Variants in ATP6V1E1 observed in about 807,000 individuals in gnomAD.
ATP6V1E1 encodes ATPase H+ transporting V1 subunit E1.
In ATP6V1E1, 21 loss-of-function variants were observed where a neutral mutation model predicts 35.2. The ratio of observed to expected loss-of-function variants is 0.60; its 90% CI spans 0.42 to 0.86. ATP6V1E1 has a LOEUF of 0.86. Ranked by LOEUF, ATP6V1E1 falls within the 40% of genes least tolerant of loss-of-function variation. The pLI, the probability that ATP6V1E1 is intolerant of heterozygous loss-of-function variation, is 0.00. For missense variants in ATP6V1E1, 183 were observed against 272.6 expected (o/e 0.67, Z 2.32); for synonymous variants, 83 against 87.8 (o/e 0.95, Z 0.30).
intron 8 of ATP6V1E1, among the ~76,000 whole-genome samples, chr22:17,593,063 C>T (rs1013785664): frequency 2.0e-5 from 3 of 152,130 alleles, no homozygotes; most frequent in Non-Finnish European, 4.4e-5. Flanking sequence ...GCTGGGATTA[C>T]AGGCGTGAGC....
chr22:17,592,877 T>C (rs959374674), intron 8 of ATP6V1E1, 141 bp from the exon 9 acceptor site: 10 of 720,424 alleles, frequency 1.4e-5, no homozygotes, highest in Non-Finnish European at 2.3e-5. Flanking sequence ...TCTCCGCTCA[T>C]TGCAAGCTCA....
intron 4 of ATP6V1E1, among the ~76,000 whole-genome samples, chr22:17,605,484 T>C (rs2895943): frequency 0.55 from 83,249 of 151,542 alleles, 24,462 homozygotes; most frequent in African/African-American, 0.76. Flanking sequence ...GAGCCGAGAT[T>C]GCACCATTGC....
In ATP6V1E1 at chr22:17,628,664, G is replaced by A. The variant is rs998867861; in HGVS notation, c.-29C>T. On this transcript the variant is annotated 5_prime_UTR_variant, in exon 1 of 9. Transcript: ENST00000253413. ...GAGAGCAATGCTAGGCCGGTGAACA[G>A]TAGGCTCGAGTTTAGGTTTGAAAGG... is the stretch of plus-strand genomic sequence containing the variant. 1.2e-6 allele frequency: 2 copies of A among 1,614,106 alleles called. No homozygotes were observed. The highest frequency in any genetic ancestry group is 1.7e-6 in the Non-Finnish European group (2 of 1,179,978).
chr22:17,627,666 A>G (rs1158827492), intron 1 of ATP6V1E1, among the ~76,000 whole-genome samples: 2 of 150,896 alleles, frequency 1.3e-5, no homozygotes, highest in Non-Finnish European at 3.0e-5. Context: ...TAAAAAAAAT[A>G]CAAAAATTAG....
At chr22:17,614,923 C>T (rs9605343) in intron 2 of ATP6V1E1, among the ~76,000 whole-genome samples, 2 of 149,402 alleles carry the variant, frequency 1.3e-5, no homozygotes, top group African/African-American at 2.5e-5. Flanking sequence ...GAACCGAGAT[C>T]GCGCCTGGGC....
At chr22:17,618,880 G>T (rs760653540) in intron 2 of ATP6V1E1, among the ~76,000 whole-genome samples, 1 of 151,692 alleles carries the variant, frequency 6.6e-6, no homozygotes, top group African/African-American at 2.4e-5. Flanking sequence ...CCTGCCTGTA[G>T]TCCCAGCTAC....
intron 1 of ATP6V1E1, 45 bp downstream of exon 1, chr22:17,628,558 C>T (rs762695427): frequency 1.9e-6 from 3 of 1,613,528 alleles, no homozygotes; most frequent in Admixed American, 3.3e-5. Context: ...GCCCACTCCC[C>T]GGGACTGCCG....
At position 17,619,519 on chromosome 22, in the gene ATP6V1E1, T is replaced by C. The variant is rs1318437600; in HGVS notation, c.41A>G (p.His14Arg). Reference sequence around the variant, plus strand: ...TTCTTGTTCAATGAAAGCCATCATATGCTTTATCTATAAGGAAAAAAAGTT... The same window carrying C: ...TTCTTGTTCAATGAAAGCCATCATACGCTTTATCTATAAGGAAAAAAAGTT... ...SDADVQKQIK[H>R]MMAFIEQEAN... is the part of the protein sequence containing the mutation. Residue 14 changes from histidine (H) to arginine (R), a missense_variant, in exon 2 of 9, where the codon CAT (histidine) becomes CGT (arginine). By Grantham distance (29) the His-to-Arg change is conservative. Coordinates refer to ENST00000253413, the MANE Select transcript of ATP6V1E1 (RefSeq NM_001696.4). The C allele has an allele frequency of 1.3e-6, 2 of 1,595,896 alleles. No homozygotes were observed. Among genetic ancestry groups the C allele is most frequent in the Non-Finnish European group, 1.7e-6 (2 of 1,172,872 alleles).
chr22:17,623,819 G>C (rs1341654697), intron 1 of ATP6V1E1, among the ~76,000 whole-genome samples: 1 of 152,102 alleles, frequency 6.6e-6, no homozygotes, highest in East Asian at 1.9e-4. Context: ...GACCAGCACA[G>C]CCTAGAGCAA....
At chr22:17,598,122 A>C in intron 7 of ATP6V1E1, 72 bp downstream of exon 7, 1 of 1,200,398 alleles carries the variant, frequency 8.3e-7, no homozygotes, top group Non-Finnish European at 1.2e-6. Context: ...AATACCATTT[A>C]AAAAAGGCCT....
chr22:17,620,816 A>G (rs960567326), intron 1 of ATP6V1E1, among the ~76,000 whole-genome samples: 3 of 151,916 alleles, frequency 2.0e-5, no homozygotes, highest in Admixed American at 1.3e-4. Context: ...GTAATCCCAG[A>G]ACTTTGGGAG....
chr22:17,609,626 G>A (rs1174237730), intron 4 of ATP6V1E1, among the ~76,000 whole-genome samples: 1 of 151,238 alleles, frequency 6.6e-6, no homozygotes, highest in African/African-American at 2.4e-5. Context: ...CCACCACCAC[G>A]CCCGGCTAAT....
chr22:17,605,205 C>CAAAAAAAAAA (rs898076791), intron 4 of ATP6V1E1, among the ~76,000 whole-genome samples: 3 of 54,778 alleles, frequency 5.5e-5, no homozygotes, highest in Admixed American at 2.2e-4. Flanking sequence ...GACTTCATCT[C>CAAAAAAAAAA]AAAAAAAAAA....
chr22:17,613,460 G>T, intron 2 of ATP6V1E1, 140 bp from the exon 3 acceptor site: 2 of 692,314 alleles, frequency 2.9e-6, no homozygotes, highest in South Asian at 1.9e-5. Context: ...CATTTTCAAG[G>T]ATTCTAATTT....
chr22:17,593,523 G>T (rs1262973555), intron 8 of ATP6V1E1, among the ~76,000 whole-genome samples: 1 of 152,160 alleles, frequency 6.6e-6, no homozygotes, highest in African/African-American at 2.4e-5. Flanking sequence ...TGTCCAACAG[G>T]GCAGTCCTAG....
intron 4 of ATP6V1E1, among the ~76,000 whole-genome samples, chr22:17,612,299 T>C (rs771710349): frequency 2.7e-4 from 41 of 152,228 alleles, no homozygotes; most frequent in Non-Finnish European, 1.5e-4. Context: ...ACTTTCTCAA[T>C]GAAGTGGTAT....
rs2057822451 is a variant in ATP6V1E1, at chr22:17,612,893, T to G, written c.210-15A>C. The G allele has an allele frequency of 1.3e-6, 2 of 1,597,566 alleles. No homozygotes were observed. Among genetic ancestry groups the G allele is most frequent in the Non-Finnish European group, 1.7e-6 (2 of 1,174,414 alleles). On this transcript the variant is annotated splice_polypyrimidine_tract_variant and intron_variant, in intron 3 of 8. Coordinates refer to ENST00000253413, the MANE Select transcript of ATP6V1E1 (RefSeq NM_001696.4). Reference sequence around the variant, plus strand: ...TGGACATCTGACTGCAAAACGGTATTGAAAAATAGCATTAGTAACAACTTA... The same window carrying G: ...TGGACATCTGACTGCAAAACGGTATGGAAAAATAGCATTAGTAACAACTTA...
chr22:17,618,765 C>A (rs1308205207), intron 2 of ATP6V1E1, among the ~76,000 whole-genome samples: 1 of 152,004 alleles, frequency 6.6e-6, no homozygotes, highest in Non-Finnish European at 1.5e-5. Flanking sequence ...TTTGGGAGGC[C>A]CAAGCGGGTG....
At chr22:17,623,601 G>A (rs1197271852) in intron 1 of ATP6V1E1, among the ~76,000 whole-genome samples, 2 of 151,698 alleles carry the variant, frequency 1.3e-5, no homozygotes, top group Non-Finnish European at 2.9e-5. Context: ...AACCTGGGAG[G>A]TGGAGGTTGC....
Sources: gnomAD v4.1 joint callset for allele counts (sites outside exome capture counted in the v4.1 genomes callset) on GRCh38, gnomAD v4.1.1 for gene constraint, MANE v1.5 for transcripts, NCBI Gene and HGNC (gene_info 2026-07-23, HGNC 2026-07-21) for gene names.